WBP2NL: variants seen among roughly 807,000 people sequenced by gnomAD.
The protein encoded by WBP2NL is postacrosomal sheath WW domain-binding protein.
Under a neutral mutation model 23.3 loss-of-function variants are expected in WBP2NL, and 27 were observed. The ratio of observed to expected loss-of-function variants is 1.16; its 90% CI spans 0.85 to 1.60. The LOEUF is 1.60. WBP2NL is among the 40% of genes most tolerant of loss of function. The probability of loss-of-function intolerance (pLI) is 0.00; values close to 1 mark genes in which losing one functional copy is unlikely to be tolerated. For synonymous variants in WBP2NL, 151 were observed against 145.9 expected (o/e 1.03, Z -0.25); for missense variants, 370 against 389.5 (o/e 0.95, Z 0.42).
intron 1 of WBP2NL, among the ~76,000 whole-genome samples, chr22:42,008,127 C>CT (rs1024256544): frequency 1.2e-4 from 14 of 120,092 alleles, no homozygotes; most frequent in African/African-American, 5.3e-4. Flanking sequence ...CTTTGCTTTC[C>CT]TTTCCTTTCC....
downstream of WBP2NL, among the ~76,000 whole-genome samples, chr22:42,035,590 A>G (rs1307653978): frequency 6.6e-6 from 1 of 152,246 alleles, no homozygotes; most frequent in African/African-American, 2.4e-5. Context: ...TGCTGCCATC[A>G]TTAATATGTA....
intron 8 of WBP2NL, among the ~76,000 whole-genome samples, chr22:42,051,225 T>A (rs1271097096): frequency 6.6e-6 from 1 of 152,194 alleles, no homozygotes; most frequent in East Asian, 1.9e-4. Flanking sequence ...TTCATATTGC[T>A]AAGTGAAAGA....
At chr22:42,051,155 G>A (rs565805476) in intron 8 of WBP2NL, among the ~76,000 whole-genome samples, 1 of 152,184 alleles carries the variant, frequency 6.6e-6, no homozygotes, top group Non-Finnish European at 1.5e-5. Flanking sequence ...ATTCATTTAA[G>A]CACATTGCTT....
At chr22:42,021,789 CT>C (rs11413615) in intron 4 of WBP2NL, among the ~76,000 whole-genome samples, 15,368 of 132,578 alleles carry the variant, frequency 0.12, 1,252 homozygotes, top group East Asian at 0.49. Context: ...TTCTTTCTTT[CT>C]TTTTTTTTTT....
intron 5 of WBP2NL, among the ~76,000 whole-genome samples, chr22:42,026,259 G>A (rs1003501033): frequency 7.3e-4 from 107 of 146,222 alleles, no homozygotes; most frequent in African/African-American, 2.5e-3. Flanking sequence ...GCAACAGAGC[G>A]AGACCCCCTC....
chr22:42,032,674 C>G, downstream of WBP2NL: 1 of 452,782 alleles, frequency 2.2e-6, no homozygotes, highest in South Asian at 1.6e-5. Context: ...TGATATTCTT[C>G]CTGGCCTTTG....
intron 8 of WBP2NL, among the ~76,000 whole-genome samples, chr22:42,052,039 A>C (rs920785129): frequency 2.6e-5 from 4 of 152,226 alleles, no homozygotes; most frequent in Non-Finnish European, 5.9e-5. Context: ...CAACTAAATT[A>C]CCATCTTATT....
chr22:42,005,952 C>T (rs1922190235), intron 1 of WBP2NL, among the ~76,000 whole-genome samples: 1 of 152,164 alleles, frequency 6.6e-6, no homozygotes, highest in Non-Finnish European at 1.5e-5. Flanking sequence ...AATGTCATGG[C>T]AACAGTTTTT....
chr22:42,000,792 G>A (rs898458917), intron 1 of WBP2NL, among the ~76,000 whole-genome samples: 9 of 149,326 alleles, frequency 6.0e-5, no homozygotes, highest in Non-Finnish European at 1.0e-4. Context: ...AAAAACAGCC[G>A]GGAGTGGTGG....
At position 42,042,547 on chromosome 22, in the gene WBP2NL, G is replaced by C. The variant is rs187826632; in HGVS notation, c.*273+11724G>C. On this transcript the variant is annotated intron_variant and NMD_transcript_variant, in intron 8 of 8. Transcript: ENST00000436265. ...TTGCTGAACTTCTCATTTCATTCTT[G>C]TATTCTTTTCCTGATTTCATTAAAT... Among the ~76,000 whole-genome samples the C allele has an allele frequency of 2.3e-4, 35 of 152,104 alleles. No homozygotes were observed. The East Asian group carries it at 6.2e-3, about 27-fold the overall frequency.
chr22:42,055,208 G>A (rs1354112609), intron 8 of WBP2NL, among the ~76,000 whole-genome samples: 1 of 151,912 alleles, frequency 6.6e-6, no homozygotes, highest in Admixed American at 6.6e-5. Flanking sequence ...ACTGAGTCTC[G>A]CTCTGTCGCC....
chr22:42,005,134 T>A (rs560374323), intron 1 of WBP2NL, among the ~76,000 whole-genome samples: 44 of 151,920 alleles, frequency 2.9e-4, no homozygotes, highest in South Asian at 8.3e-4. Flanking sequence ...GGAGAATCAC[T>A]TGAACCCAGG....
intron 3 of WBP2NL, 29 bp downstream of exon 3, chr22:42,019,832 T>G (rs747524604): frequency 6.2e-7 from 1 of 1,608,574 alleles, no homozygotes. Context: ...GTGTGTATTT[T>G]TTTTTCCCTC....
At chr22:42,030,735 G>C (rs537739644), downstream of WBP2NL, 1 of 152,348 alleles carries the variant, frequency 6.6e-6, no homozygotes, top group South Asian at 2.1e-4. Context: ...GGGCAACAGT[G>C]ATGAGAGGAA....
At chr22:42,010,555 T>A (rs796182980) in intron 1 of WBP2NL, among the ~76,000 whole-genome samples, 11 of 152,344 alleles carry the variant, frequency 7.2e-5, no homozygotes, top group African/African-American at 2.6e-4. Context: ...TTCTTTTTTT[T>A]TGAGACGGAG....
At chr22:42,010,765 C>T (rs1445887820) in intron 1 of WBP2NL, among the ~76,000 whole-genome samples, 2 of 152,164 alleles carry the variant, frequency 1.3e-5, no homozygotes, top group African/African-American at 4.8e-5. Flanking sequence ...ATCTCGATCT[C>T]CTGACCTCGT....
At chr22:42,048,315 G>T (rs1925677916) in intron 8 of WBP2NL, among the ~76,000 whole-genome samples, 1 of 151,366 alleles carries the variant, frequency 6.6e-6, no homozygotes, top group Non-Finnish European at 1.5e-5. Context: ...AGCTACTCGG[G>T]AGGCAGAGGT....
chr22:42,044,433 A>G (rs1415464865), intron 8 of WBP2NL, among the ~76,000 whole-genome samples: 1 of 152,188 alleles, frequency 6.6e-6, no homozygotes, highest in Non-Finnish European at 1.5e-5. Flanking sequence ...CAGAGGGGAC[A>G]AACATTCAAG....
At chr22:42,012,632 A>G (rs561371560) in intron 1 of WBP2NL, among the ~76,000 whole-genome samples, 12 of 152,208 alleles carry the variant, frequency 7.9e-5, no homozygotes, top group Admixed American at 7.8e-4. Flanking sequence ...TTATTTGGTA[A>G]TGTCTTAATT....
Sources: gnomAD v4.1 joint callset for allele counts (sites outside exome capture counted in the v4.1 genomes callset) on GRCh38, gnomAD v4.1.1 for gene constraint, MANE v1.5 for transcripts, NCBI Gene and HGNC (gene_info 2026-07-23, HGNC 2026-07-21) for gene names.